ADGRL3: variants seen among roughly 807,000 people sequenced by gnomAD.
The protein encoded by ADGRL3 is calcium-independent alpha-latrotoxin receptor 3.
In ADGRL3, 62 loss-of-function variants were observed where a neutral mutation model predicts 153.5. The ratio of observed to expected loss-of-function variants is 0.40; its 90% CI spans 0.33 to 0.50. ADGRL3 has a LOEUF of 0.50. Among genes scored for constraint, ADGRL3 ranks in the 20% least tolerant of loss-of-function variants. The pLI, the probability that ADGRL3 is intolerant of heterozygous loss-of-function variation, is 0.47. For synonymous variants in ADGRL3, 710 were observed against 672.5 expected, an observed-to-expected ratio of 1.06 and a Z score of -0.86; for missense variants, 1,641 against 1,859.4, an observed-to-expected ratio of 0.88 and a Z score of 2.16.
At chr4:61,759,789 C>G (rs2096887208) in intron 8 of ADGRL3, among the ~76,000 whole-genome samples, 1 of 152,152 alleles carries the variant, frequency 6.6e-6, no homozygotes, top group South Asian at 2.1e-4. Context: ...GTTTTTTCCT[C>G]ATCTTTGTGG....
chr4:61,895,833 A>C lies in ADGRL3; in HGVS notation c.1886A>C (p.Lys629Thr), dbSNP rs2098627991. ...SSPWVNHITQKLKSGETAANI... is the reference protein window; with the variant it reads ...SSPWVNHITQTLKSGETAANI... ...CCTTGGGTCAATCATATAACACAGA[A>C]GGTAAATCTTGTGACTGACAAGAAA... Residue 629 changes from lysine to threonine, a missense_variant and splice_region_variant, in exon 11 of 27, where the codon AAG (lysine) becomes ACG (threonine). Physicochemically the swap from Lys to Thr is moderately conservative, Grantham distance 78. Transcript: ENST00000683033. The C allele has an allele frequency of 1.3e-6, 2 of 1,558,822 alleles. No homozygotes were observed. Among genetic ancestry groups the C allele is most frequent in the East Asian group, 4.6e-5 (2 of 43,238 alleles).
intron 6 of ADGRL3, among the ~76,000 whole-genome samples, chr4:61,719,637 C>T (rs551995650): frequency 4.0e-5 from 6 of 150,654 alleles, no homozygotes; most frequent in South Asian, 2.1e-4. Context: ...GAGTCTCACC[C>T]GGTCACCCAG....
At chr4:62,015,918 T>C (rs1421865719) in intron 21 of ADGRL3, among the ~76,000 whole-genome samples, 1 of 151,904 alleles carries the variant, frequency 6.6e-6, no homozygotes, top group Non-Finnish European at 1.5e-5. Context: ...ATTTATAATA[T>C]ATAAACTATC....
At chr4:61,291,597 TATATATACACACAC>T (rs1205605393) in intron 1 of ADGRL3, among the ~76,000 whole-genome samples, 2,049 of 13,024 alleles carry the variant, frequency 0.16, 39 homozygotes, top group Admixed American at 0.25. Context: ...TATATATATA[TATATATACACACAC>T]ATATATATAT....
intron 25 of ADGRL3, among the ~76,000 whole-genome samples, chr4:62,056,452 G>T (rs990039848): frequency 6.6e-6 from 1 of 151,930 alleles, no homozygotes; most frequent in African/African-American, 2.4e-5. Flanking sequence ...ACATGTGAAT[G>T]TGCACAATTT....
At chr4:61,652,617 A>G (rs915698625) in intron 5 of ADGRL3, among the ~76,000 whole-genome samples, 3 of 152,224 alleles carry the variant, frequency 2.0e-5, no homozygotes, top group Admixed American at 1.3e-4. Context: ...TACATACATC[A>G]TCAGCCATAT....
intron 5 of ADGRL3, among the ~76,000 whole-genome samples, chr4:61,657,667 C>T (rs888413383): frequency 2.0e-5 from 3 of 151,976 alleles, no homozygotes; most frequent in African/African-American, 7.2e-5. Flanking sequence ...AAGTCAAGGC[C>T]TTCTGAATAA....
chr4:61,407,887 T>TATAA (rs2097023883), intron 2 of ADGRL3, among the ~76,000 whole-genome samples: 1 of 152,166 alleles, frequency 6.6e-6, no homozygotes. Flanking sequence ...AGGGATCCTT[T>TATAA]ATAAATCCTG....
intron 15 of ADGRL3, among the ~76,000 whole-genome samples, chr4:61,939,380 G>A (rs947467301): frequency 2.0e-5 from 3 of 151,676 alleles, no homozygotes; most frequent in South Asian, 4.2e-4. Context: ...AAATATTCCC[G>A]TGTCTCTTAC....
intron 5 of ADGRL3, among the ~76,000 whole-genome samples, chr4:61,659,954 A>T (rs907845366): frequency 6.7e-6 from 1 of 149,332 alleles, no homozygotes. Context: ...TACACCAGAG[A>T]TTAGGAGGAG....
At chr4:62,009,457 G>A (rs2099174032) in intron 21 of ADGRL3, among the ~76,000 whole-genome samples, 3 of 151,948 alleles carry the variant, frequency 2.0e-5, no homozygotes, top group Non-Finnish European at 2.9e-5. Flanking sequence ...ATAGCTGTGT[G>A]TAATACATCT....
intron 3 of ADGRL3, among the ~76,000 whole-genome samples, chr4:61,505,380 C>CT (rs1400307195): frequency 2.6e-5 from 4 of 152,016 alleles, no homozygotes; most frequent in Admixed American, 6.6e-5. Context: ...TGTCTCCTCA[C>CT]TTTTTTATTG....
chr4:61,236,182 G>A (rs1416696653), intron 1 of ADGRL3, among the ~76,000 whole-genome samples: 1 of 151,734 alleles, frequency 6.6e-6, no homozygotes, highest in South Asian at 2.1e-4. Context: ...GCTAATTTTT[G>A]TATTTTTAGT....
chr4:61,638,098 T>G (rs1587294), intron 5 of ADGRL3, among the ~76,000 whole-genome samples: 1 of 151,958 alleles, frequency 6.6e-6, no homozygotes, highest in Non-Finnish European at 1.5e-5. Flanking sequence ...AGAATATTCA[T>G]AGTAGCTTTG....
intron 1 of ADGRL3, among the ~76,000 whole-genome samples, chr4:61,378,295 G>A (rs2151856420): frequency 6.6e-6 from 1 of 152,008 alleles, no homozygotes; most frequent in East Asian, 1.9e-4. Context: ...TTTTATCATT[G>A]ATTTTTGTGG....
intron 1 of ADGRL3, among the ~76,000 whole-genome samples, chr4:61,328,685 T>C (rs2095511794): frequency 2.6e-5 from 4 of 152,188 alleles, no homozygotes. Flanking sequence ...AAAACTATAT[T>C]TGCATATTTC....
chr4:61,775,604 T>G, intron 8 of ADGRL3: 1 of 1,139,584 alleles, frequency 8.8e-7, no homozygotes, highest in South Asian at 1.2e-5. Flanking sequence ...AGTTTCTTGT[T>G]GTCATCAACC....
chr4:61,512,815 G>T (rs2098470673), intron 3 of ADGRL3, among the ~76,000 whole-genome samples: 1 of 152,056 alleles, frequency 6.6e-6, no homozygotes. Flanking sequence ...TTTGTACAAA[G>T]GATTAGGCGG....
chr4:61,855,041 C>G (rs952967405), intron 9 of ADGRL3, among the ~76,000 whole-genome samples: 1 of 151,980 alleles, frequency 6.6e-6, no homozygotes, highest in Non-Finnish European at 1.5e-5. Context: ...GATATGACAA[C>G]TGAATATAAT....
Sources: allele counts gnomAD v4.1 joint callset (sites outside exome capture counted in the v4.1 genomes callset), GRCh38; gene constraint gnomAD v4.1.1; transcripts MANE v1.5; gene names NCBI Gene and HGNC (gene_info 2026-07-23, HGNC 2026-07-21).